The following IKBKG variants were observed in gnomAD, a reference collection of about 807,000 sequenced individuals.
The protein encoded by IKBKG is NF-kappa-B essential modulator.
IKBKG carries 2 observed loss-of-function variants against 13.7 expected under a neutral mutation model. That is an observed-to-expected ratio of 0.15 (90% confidence interval 0.06 to 0.46). IKBKG has a LOEUF of 0.46. Ranked by LOEUF, IKBKG falls within the 20% of genes least tolerant of loss-of-function variation. The pLI, the probability that IKBKG is intolerant of heterozygous loss-of-function variation, is 0.98. For missense variants in IKBKG, 53 were observed against 150.3 expected, an observed-to-expected ratio of 0.35 and a Z score of 3.39; for synonymous variants, 22 against 64.4, an observed-to-expected ratio of 0.34 and a Z score of 3.15.
chrX:154,543,246 G>A (rs1200611510), upstream of IKBKG, among the ~76,000 whole-genome samples: 3 of 112,632 alleles, frequency 2.7e-5, no homozygotes, highest in Non-Finnish European at 3.7e-5. Context: ...GAAAGCCTCA[G>A]GTTGTCACTC....
At chrX:154,555,465 C>T (rs143636168) in intron 2 of IKBKG, among the ~76,000 whole-genome samples, 2 of 112,823 alleles carry the variant, frequency 1.8e-5, no homozygotes, top group African/African-American at 6.4e-5. Context: ...CCAGCACTTT[C>T]GGAGGCCGAG....
intron 1 of IKBKG, among the ~76,000 whole-genome samples, chrX:154,541,661 T>A (rs1394071009): frequency 8.9e-6 from 1 of 111,874 alleles, no homozygotes; most frequent in Non-Finnish European, 1.9e-5. Context: ...TGGGAGCTTC[T>A]CATCTTCCCC....
chrX:154,542,901 A>G (rs1014188045), upstream of IKBKG, among the ~76,000 whole-genome samples: 3 of 112,082 alleles, frequency 2.7e-5, no homozygotes, highest in Non-Finnish European at 5.6e-5. Context: ...GCAATAGCAC[A>G]TAGGTCCCAT....
chrX:154,553,952 C>T (rs1030626017), intron 2 of IKBKG, among the ~76,000 whole-genome samples: 6 of 112,103 alleles, frequency 5.4e-5, no homozygotes, highest in Non-Finnish European at 9.4e-5. Context: ...CAGCGTATGG[C>T]GCCCTTGCTT....
chrX:154,547,777 A>T, intron 1 of IKBKG, 32 bp downstream of exon 1: 14 of 754,592 alleles, frequency 1.9e-5, no homozygotes, highest in Non-Finnish European at 2.2e-5. Flanking sequence ...ACAGGGTTCC[A>T]TCCGTGGGCG....
At chrX:154,546,870 T>C, upstream of IKBKG, 1 of 1,093,176 alleles carries the variant, frequency 9.1e-7, no homozygotes, top group Non-Finnish European at 1.2e-6. Flanking sequence ...CGCCGGCCCA[T>C]TTAATCGGCG....
intron 1 of IKBKG, among the ~76,000 whole-genome samples, chrX:154,541,864 T>C (rs1487403314): frequency 9.0e-6 from 1 of 111,423 alleles, no homozygotes; most frequent in Non-Finnish European, 1.9e-5. Flanking sequence ...GGCATGAGGG[T>C]TTCATGGTAG....
At chrX:154,550,953 C>G (rs1557234872) in intron 1 of IKBKG, among the ~76,000 whole-genome samples, 1 of 110,396 alleles carries the variant, frequency 9.1e-6, no homozygotes, top group Admixed American at 9.6e-5. Context: ...GCTGGGGCTA[C>G]AGGCGCCCGC....
intron 1 of IKBKG, among the ~76,000 whole-genome samples, chrX:154,548,389 A>G (rs1480455196): frequency 8.9e-6 from 1 of 112,203 alleles, no homozygotes; most frequent in Non-Finnish European, 1.9e-5. Flanking sequence ...TACGTCTTAC[A>G]CTGATCGTTC....
At chrX:154,549,437 A>AT (rs781992636) in intron 1 of IKBKG, among the ~76,000 whole-genome samples, 5,245 of 97,082 alleles carry the variant, frequency 0.054, 138 homozygotes, top group Non-Finnish European at 0.062. Flanking sequence ...ACTCCCAGCT[A>AT]TTTTTTTTTT....
At chrX:154,547,997 G>T in intron 1 of IKBKG, 3 of 754,740 alleles carry the variant, frequency 4.0e-6, no homozygotes, top group Non-Finnish European at 4.7e-6. Context: ...GACTCCTCTA[G>T]TTCAGAGACA....
chrX:154,542,295 G>A, exon 2 of IKBKG: 1 of 1,167,564 alleles, frequency 8.6e-7, no homozygotes. Context: ...GGGAAACTAA[G>A]GCCCAGAGAA....
At position 154,551,965 on chromosome X, in the gene IKBKG, C is replaced by T; in HGVS notation, c.-15-23C>T. On this transcript the variant is annotated intron_variant, in intron 1 of 9. Coordinates refer to ENST00000594239, the MANE Select transcript of IKBKG (RefSeq NM_001099857.5). ...GTAAGGATGTGGGTCTCCTGTGACTCCCCTGCTGCCTTTCTCTTTCAGCCC... is the reference window on the plus strand; with the variant it reads ...GTAAGGATGTGGGTCTCCTGTGACTTCCCTGCTGCCTTTCTCTTTCAGCCC... 13 of 1,043,723 alleles carry T rather than the reference C, an allele frequency of 1.2e-5. No individual in the cohort carries two copies. The Middle Eastern group carries it at 2.7e-3, about 219-fold the overall frequency. 86.0% of individuals were successfully genotyped at this position (1,043,723 alleles called of 1,213,427 possible). A position where few individuals can be genotyped will look rare whatever the true frequency, so the allele number is the denominator to read the frequency against.
intron 1 of IKBKG, among the ~76,000 whole-genome samples, chrX:154,551,252 A>G (rs2070923826): frequency 9.1e-6 from 1 of 110,134 alleles, no homozygotes. Context: ...CCGGCCAGAC[A>G]TTTTAATCTC....
At chrX:154,545,856 A>G (rs2070692933), upstream of IKBKG, 1 of 460,823 alleles carries the variant, frequency 2.2e-6, no homozygotes, top group Non-Finnish European at 3.6e-6. Flanking sequence ...AAAAAAAAAA[A>G]GTCTTGCAAG....
At chrX:154,546,763 T>C, upstream of IKBKG, 1 of 1,131,594 alleles carries the variant, frequency 8.8e-7, no homozygotes. Flanking sequence ...CTCCTCCGCC[T>C]GCGCGGCGCC....
At chrX:154,553,750 A>C (rs1203297202) in intron 2 of IKBKG, among the ~76,000 whole-genome samples, 1 of 112,777 alleles carries the variant, frequency 8.9e-6, no homozygotes, top group Non-Finnish European at 1.9e-5. Context: ...ATATCCCCAG[A>C]TATTTATTGC....
intron 2 of IKBKG, among the ~76,000 whole-genome samples, chrX:154,553,538 G>A (rs782464131): frequency 8.9e-6 from 1 of 112,262 alleles, no homozygotes; most frequent in Non-Finnish European, 1.9e-5. Context: ...TGGTCTCCTC[G>A]ACGGTGAGGC....
At chrX:154,546,930 T>G (rs2070747909), upstream of IKBKG, 3 of 563,800 alleles carry the variant, frequency 5.3e-6, no homozygotes, top group Non-Finnish European at 4.8e-6. Flanking sequence ...AGGCGAGGCG[T>G]GCGGGGCGGG....
Sources: allele counts gnomAD v4.1 joint callset (sites outside exome capture counted in the v4.1 genomes callset), GRCh38; gene constraint gnomAD v4.1.1; transcripts MANE v1.5; gene names NCBI Gene and HGNC (gene_info 2026-07-23, HGNC 2026-07-21).